ZNF514: variants seen among roughly 807,000 people sequenced by gnomAD.
ZNF514 encodes zinc finger protein 514.
Under a neutral mutation model 9.7 loss-of-function variants are expected in ZNF514, and 12 were observed. The ratio of observed to expected loss-of-function variants is 1.24; its 90% CI spans 0.79 to 2.01. ZNF514 has a LOEUF of 2.01. Among genes scored for constraint, ZNF514 ranks in the 30% most tolerant of loss-of-function variants. ZNF514 has a pLI of 0.00. For missense variants in ZNF514, 467 were observed against 465.5 expected, an observed-to-expected ratio of 1.00 and a Z score of -0.03; for synonymous variants, 158 against 163.7, an observed-to-expected ratio of 0.97 and a Z score of 0.27.
At position 95,150,181 on chromosome 2, in the gene ZNF514, T is replaced by G. The variant is rs1176793938; in HGVS notation, c.304A>C (p.Lys102Gln). The G allele has an allele frequency of 1.9e-6, 3 of 1,609,466 alleles. No homozygotes were observed. In the South Asian group the frequency reaches 3.3e-5, roughly 18 times the overall value. ...EELFQVVSVE[K>Q]HIQDVLQFSK... ...AACTGCAGCACATCTTGAATGTGTT[T>G]TTCCACTGATACTACCTGGAATAAT... The change falls in exon 5 of 5, where the codon AAA (lysine) becomes CAA (glutamine). Residue 102 changes from lysine to glutamine, a missense_variant. Coordinates refer to ENST00000295208, the MANE Select transcript of ZNF514 (RefSeq NM_032788.3).
the ZNF514 span, among the ~76,000 whole-genome samples, chr2:95,133,428 AGACCAGAT>A: frequency 5.9e-5 from 9 of 152,212 alleles, no homozygotes; most frequent in Non-Finnish European, 1.3e-4. Context: ...ACAGAAATGG[AGACCAGAT>A]GAGTGGTTGT....
chr2:95,138,799 T>G, the ZNF514 span, among the ~76,000 whole-genome samples: 1 of 152,146 alleles, frequency 6.6e-6, no homozygotes, highest in Admixed American at 6.6e-5. Context: ...CTAAAAAGGA[T>G]CCAAGTGCTA....
chr2:95,150,272 T>TTAA lies in ZNF514; in HGVS notation c.218-6_218-5insTTA. 7.5e-7 allele frequency: 1 copy of TTAA among 1,340,148 alleles called. No individual in the cohort carries two copies. Among genetic ancestry groups the TTAA allele is most frequent in the Non-Finnish European group, 9.7e-7 (1 of 1,028,874 alleles). 83.0% of individuals were successfully genotyped at this position (1,340,148 alleles called of 1,614,324 possible). A position where few individuals can be genotyped will look rare whatever the true frequency, so the allele number is the denominator to read the frequency against. ...ATTTAGACCTTCTCTTCCAGTCTGT[T>TTAA]AAAAAAAAAAAAAAAAAAAGAAGAC... On this transcript the variant is annotated splice_region_variant and splice_polypyrimidine_tract_variant and intron_variant, in intron 4 of 4. Coordinates refer to ENST00000295208, the MANE Select transcript of ZNF514 (RefSeq NM_032788.3).
At chr2:95,153,456 TAAC>T (rs1321942962) in intron 2 of ZNF514, 197 bp from the exon 3 acceptor site, 4 of 449,804 alleles carry the variant, frequency 8.9e-6, no homozygotes, top group Non-Finnish European at 1.1e-5. Context: ...CAATTAGAAT[TAAC>T]AAATGAATAT....
chr2:95,152,984 G>T, intron 3 of ZNF514, 149 bp downstream of exon 3: 1 of 1,078,178 alleles, frequency 9.3e-7, no homozygotes, highest in Non-Finnish European at 1.3e-6. Context: ...TGTATCACTG[G>T]GCCCCAAAGA....
At chr2:95,155,588 G>C (rs1673667954) in intron 2 of ZNF514, 1 of 152,224 alleles carries the variant, frequency 6.6e-6, no homozygotes, top group African/African-American at 2.4e-5. Context: ...ATGATGCTCT[G>C]ACTGGATGCA....
downstream of ZNF514, among the ~76,000 whole-genome samples, chr2:95,144,043 T>C (rs1673305970): frequency 6.6e-6 from 1 of 152,194 alleles, no homozygotes; most frequent in South Asian, 2.1e-4. Flanking sequence ...TGTCAATTAA[T>C]CTTTACTGAA....
the ZNF514 span, among the ~76,000 whole-genome samples, chr2:95,126,148 A>G: frequency 6.6e-6 from 1 of 152,226 alleles, no homozygotes; most frequent in East Asian, 1.9e-4. Flanking sequence ...AGGTGGGTGG[A>G]TCATCTGAGG....
In ZNF514 at chr2:95,153,260, C is replaced by T; in HGVS notation, c.-6-1G>A. 1.2e-6 allele frequency: 2 copies of T among 1,613,510 alleles called. No homozygotes were observed. Among genetic ancestry groups the T allele is most frequent in the Non-Finnish European group, 1.7e-6 (2 of 1,179,616 alleles). ...CCACATCTTCAAATGTCATCAGGTC[C>T]TGAAACACAGAAGACACTCCAGTGT... On this transcript the variant is annotated splice_acceptor_variant, in intron 2 of 4. Coordinates refer to ENST00000295208, the MANE Select transcript of ZNF514 (RefSeq NM_032788.3). LOFTEE classifies it low-confidence loss of function (5UTR_SPLICE).
At position 95,149,672 on chromosome 2, in the gene ZNF514, C is replaced by CT; in HGVS notation, c.812dup (p.Ser272GlufsTer9). The CT allele has an allele frequency of 5.0e-6, 8 of 1,614,164 alleles. No homozygotes were observed. In the South Asian group the frequency reaches 7.7e-5, roughly 16 times the overall value. ...TATAGTGCAGAACAAGAGACGAACT[C>CT]TGGCTGAAGGCTCTCCCACATTCAC... On this transcript the variant is annotated frameshift_variant, in exon 5 of 5. Coordinates refer to ENST00000295208, the MANE Select transcript of ZNF514 (RefSeq NM_032788.3). LOFTEE classifies it low-confidence loss of function (END_TRUNC).
At chr2:95,143,443 A>T (rs1032877013), downstream of ZNF514, among the ~76,000 whole-genome samples, 14 of 152,074 alleles carry the variant, frequency 9.2e-5, no homozygotes, top group Admixed American at 9.2e-4. Flanking sequence ...CAACATGGAG[A>T]AACCCGTCTC....
intron 4 of ZNF514, among the ~76,000 whole-genome samples, chr2:95,150,981 T>C (rs972723573): frequency 3.9e-5 from 6 of 152,244 alleles, no homozygotes; most frequent in Non-Finnish European, 8.8e-5. Flanking sequence ...GACAAGCTCA[T>C]GTCCTCCACG....
downstream of ZNF514, among the ~76,000 whole-genome samples, chr2:95,143,345 G>T (rs1342020698): frequency 6.6e-6 from 1 of 152,208 alleles, no homozygotes. Context: ...CTTGGGCCAG[G>T]TGTGGTGGCT....
At chr2:95,142,352 A>G (rs1045375697), downstream of ZNF514, among the ~76,000 whole-genome samples, 13 of 152,216 alleles carry the variant, frequency 8.5e-5, no homozygotes, top group Admixed American at 4.6e-4. Flanking sequence ...CTTCTCTCCC[A>G]GAAAAAGAAC....
chr2:95,144,098 T>C (rs763014897), downstream of ZNF514, among the ~76,000 whole-genome samples: 3 of 152,184 alleles, frequency 2.0e-5, no homozygotes, highest in Non-Finnish European at 4.4e-5. Flanking sequence ...GTCCCAACTG[T>C]TGATAGCACT....
chr2:95,157,193 A>G (rs1181577928), intron 2 of ZNF514, among the ~76,000 whole-genome samples, 158 bp downstream of exon 2: 1 of 152,204 alleles, frequency 6.6e-6, no homozygotes, highest in Non-Finnish European at 1.5e-5. Flanking sequence ...CACCCCGGAC[A>G]GGTCAGGGAG....
At chr2:95,155,498 G>C (rs960167062) in intron 2 of ZNF514, 7 of 152,132 alleles carry the variant, frequency 4.6e-5, no homozygotes, top group Non-Finnish European at 7.3e-5. Flanking sequence ...TATGGATTCA[G>C]GTAATTGTCC....
chr2:95,124,284 T>C, the ZNF514 span, among the ~76,000 whole-genome samples: 52 of 152,176 alleles, frequency 3.4e-4, no homozygotes, highest in African/African-American at 1.2e-3. Context: ...TTAAGAACAT[T>C]ATATAAATGG....
At position 95,153,161 on chromosome 2, in the gene ZNF514, C is replaced by T; in HGVS notation, c.93G>A (p.Leu31=). Residue 31 remains leucine, a synonymous_variant, in exon 3 of 5, where the codon CTG becomes CTA. Coordinates refer to ENST00000295208, the MANE Select transcript of ZNF514 (RefSeq NM_032788.3). ...GAATGGCCAAGTTCCTGAAGTTCTC[C>T]AGCATCACCTCCCTGTAGAGGTCCT... ...AQKDLYREVM[L]ENFRNLAILG... The T allele has an allele frequency of 6.2e-7, 1 of 1,613,486 alleles. No homozygotes were observed. Among genetic ancestry groups the T allele is most frequent in the Non-Finnish European group, 8.5e-7 (1 of 1,179,514 alleles).
Sources: allele counts gnomAD v4.1 joint callset (sites outside exome capture counted in the v4.1 genomes callset), GRCh38; gene constraint gnomAD v4.1.1; transcripts MANE v1.5; gene names NCBI Gene and HGNC (gene_info 2026-07-23, HGNC 2026-07-21).